CACNA1D: variants seen among roughly 807,000 people sequenced by gnomAD.
CACNA1D encodes calcium voltage-gated channel subunit alpha1 D, also known as voltage-dependent L-type calcium channel subunit alpha-1D.
CACNA1D carries 55 observed loss-of-function variants against 257.1 expected under a neutral mutation model. That is an observed-to-expected ratio of 0.21 (90% CI 0.17 to 0.27). The LOEUF (loss-of-function observed/expected upper bound fraction) is 0.27, where lower values mean the gene tolerates loss of function less well. Among genes scored for constraint, CACNA1D ranks in the 10% least tolerant of loss-of-function variants. CACNA1D has a pLI of 1.00. For missense variants in CACNA1D, 1,876 were observed against 2,784.0 expected, an observed-to-expected ratio of 0.67 and a Z score of 7.34; for synonymous variants, 980 against 1,014.9, an observed-to-expected ratio of 0.97 and a Z score of 0.65.
chr3:53,618,367 G>T (rs534781931), intron 3 of CACNA1D, among the ~76,000 whole-genome samples: 58 of 152,230 alleles, frequency 3.8e-4, no homozygotes, highest in Non-Finnish European at 6.3e-4. Context: ...GGGCAGCCTG[G>T]ATTTGTGCTG....
chr3:53,691,807 T>A, intron 8 of CACNA1D, among the ~76,000 whole-genome samples: 1 of 104,922 alleles, frequency 9.5e-6, no homozygotes, highest in Non-Finnish European at 1.9e-5. Flanking sequence ...ACATATATAA[T>A]ATATATTATA....
intron 40 of CACNA1D, among the ~76,000 whole-genome samples, chr3:53,787,656 A>G (rs1211619145): frequency 6.6e-6 from 1 of 152,036 alleles, no homozygotes; most frequent in Non-Finnish European, 1.5e-5. Context: ...CATGCGAGGA[A>G]TGTAGAAACC....
At chr3:53,544,137 G>T (rs1402006037) in intron 3 of CACNA1D, among the ~76,000 whole-genome samples, 2 of 152,086 alleles carry the variant, frequency 1.3e-5, no homozygotes, top group African/African-American at 2.4e-5. Flanking sequence ...GATTGTGGGT[G>T]GGGGAAGGAT....
intron 2 of CACNA1D, among the ~76,000 whole-genome samples, chr3:53,498,149 A>T (rs967843761): frequency 6.6e-6 from 1 of 152,140 alleles, no homozygotes; most frequent in African/African-American, 2.4e-5. Flanking sequence ...GTGAAGGGAG[A>T]GGCTCGTGTG....
chr3:53,566,022 C>G (rs942915949), intron 3 of CACNA1D, among the ~76,000 whole-genome samples: 1 of 152,182 alleles, frequency 6.6e-6, no homozygotes, highest in Non-Finnish European at 1.5e-5. Flanking sequence ...AGTCAAATTT[C>G]AAGTAACATC....
intron 3 of CACNA1D, among the ~76,000 whole-genome samples, chr3:53,626,359 T>C (rs1351433595): frequency 1.3e-5 from 2 of 152,184 alleles, no homozygotes; most frequent in African/African-American, 4.8e-5. Context: ...GCTAGCTTTA[T>C]ATATGGTTGT....
At chr3:53,603,618 A>G (rs2093472243) in intron 3 of CACNA1D, among the ~76,000 whole-genome samples, 3 of 152,194 alleles carry the variant, frequency 2.0e-5, no homozygotes. Flanking sequence ...ACAGAGGGAG[A>G]AAAAATGGAA....
intron 3 of CACNA1D, among the ~76,000 whole-genome samples, chr3:53,639,089 G>A (rs2108184363): frequency 6.6e-6 from 1 of 152,258 alleles, no homozygotes; most frequent in Middle Eastern, 3.4e-3. Flanking sequence ...GTTGACTGTA[G>A]CAAAAATAAC....
intron 11 of CACNA1D, among the ~76,000 whole-genome samples, chr3:53,721,993 C>T (rs747060400): frequency 2.0e-5 from 3 of 152,160 alleles, no homozygotes; most frequent in South Asian, 4.1e-4. Context: ...TGCATCTGCA[C>T]GTGAATCTAT....
intron 3 of CACNA1D, among the ~76,000 whole-genome samples, chr3:53,535,033 C>T (rs190064403): frequency 2.1e-4 from 32 of 152,304 alleles, no homozygotes; most frequent in African/African-American, 6.5e-4. Flanking sequence ...CTTTTCCTCT[C>T]CGTAAACCCC....
rs567375677 is a variant in CACNA1D at position 53,540,589 on chromosome 3, C to T, written c.483+38869C>T. On this transcript the variant is annotated intron_variant, in intron 3 of 47. Transcript: ENST00000350061. Reference sequence around the variant, plus strand: ...AAAAAAGTCTTATATCTTTGCCTTTCTATTTAAATTTCCTTTAAAAAAAAT... The same window carrying T: ...AAAAAAGTCTTATATCTTTGCCTTTTTATTTAAATTTCCTTTAAAAAAAAT... Among the ~76,000 whole-genome samples the T allele has an allele frequency of 7.9e-5, 12 of 152,058 alleles. No homozygotes were observed. In the East Asian group the frequency reaches 2.3e-3, roughly 29 times the overall value.
chr3:53,590,152 C>T (rs887152467), intron 3 of CACNA1D, among the ~76,000 whole-genome samples: 12 of 152,266 alleles, frequency 7.9e-5, no homozygotes, highest in African/African-American at 2.9e-4. Context: ...CCAGCCTCAG[C>T]TCATGCCACT....
intron 3 of CACNA1D, among the ~76,000 whole-genome samples, chr3:53,523,661 A>C (rs2107372168): frequency 6.6e-6 from 1 of 152,364 alleles, no homozygotes; most frequent in South Asian, 2.1e-4. Context: ...ATTTTAATTT[A>C]TTTAACCCAC....
intron 26 of CACNA1D, among the ~76,000 whole-genome samples, chr3:53,748,236 C>T (rs1335483555): frequency 6.6e-6 from 1 of 152,200 alleles, no homozygotes; most frequent in Non-Finnish European, 1.5e-5. Context: ...AGCTCCCACC[C>T]CCAGCTCCTG....
At position 53,800,323 on chromosome 3, in the gene CACNA1D, G is replaced by A. The variant is rs368500737; in HGVS notation, c.4998G>A (p.Glu1666=). The A allele has an allele frequency of 2.2e-5, 35 of 1,613,800 alleles. No homozygotes were observed. The highest frequency in any genetic ancestry group is 2.9e-5 in the Non-Finnish European group (34 of 1,179,758). ...TATCGTGTGATTTGCAAGATGACGA[G>A]CCTGAGGAAACAAAACGAGAAGAAG... is the stretch of plus-strand genomic sequence containing the variant. The part of the protein sequence containing the change: ...RAISCDLQDD[E]PEETKREEED... Residue 1666 remains glutamate (E), a synonymous_variant, in exon 41 of 48, where the codon GAG becomes GAA. Transcript: ENST00000350061. This position sits in a 1 kb window ranked among gnomAD's most constrained non-coding sequence, Gnocchi z 4.3.
chr3:53,687,753 TAAC>T (rs879321559), intron 8 of CACNA1D, among the ~76,000 whole-genome samples: 11 of 152,168 alleles, frequency 7.2e-5, no homozygotes, highest in Non-Finnish European at 1.6e-4. Flanking sequence ...GAAGAACTCT[TAAC>T]AACTAGATAA....
chr3:53,805,825 C>T (rs568218512), intron 45 of CACNA1D, among the ~76,000 whole-genome samples: 2 of 143,422 alleles, frequency 1.4e-5, no homozygotes, highest in Admixed American at 1.4e-4. Context: ...CCTCCTCCTC[C>T]ATCTTCCCTC....
At chr3:53,679,636 A>G (rs1238761749) in intron 8 of CACNA1D, 1 of 152,232 alleles carries the variant, frequency 6.6e-6, no homozygotes, top group Admixed American at 6.5e-5. Flanking sequence ...CTTATGATTA[A>G]AAAATAACTT....
intron 8 of CACNA1D, among the ~76,000 whole-genome samples, chr3:53,695,104 C>T (rs373029948): frequency 2.0e-5 from 3 of 152,248 alleles, no homozygotes; most frequent in South Asian, 4.1e-4. Context: ...GGTCCAAGAG[C>T]GTGCCAGGCT....
Sources: allele counts gnomAD v4.1 joint callset (sites outside exome capture counted in the v4.1 genomes callset), GRCh38; gene constraint gnomAD v4.1.1; non-coding constraint Gnocchi (gnomAD v3.1); transcripts MANE v1.5; gene names NCBI Gene and HGNC (gene_info 2026-07-23, HGNC 2026-07-21).